Variants in NRXN3 observed in about 807,000 individuals in gnomAD.
NRXN3 encodes neurexin 3, also known as neurexin III.
NRXN3 carries 32 observed loss-of-function variants against 137.6 expected under a neutral mutation model. The observed-to-expected ratio is 0.23, with a 90% CI of 0.18 to 0.31. The LOEUF is 0.31. Ranked by LOEUF, NRXN3 falls within the 10% of genes least tolerant of loss-of-function variation. The pLI, the probability that NRXN3 is intolerant of heterozygous loss-of-function variation, is 1.00. For synonymous variants in NRXN3, 798 were observed against 784.5 expected (o/e 1.02, Z -0.29); for missense variants, 1,574 against 2,062.5 (o/e 0.76, Z 4.59).
intron 15 of NRXN3, among the ~76,000 whole-genome samples, chr14:79,095,765 G>A (rs1040386418): frequency 6.6e-6 from 1 of 152,052 alleles, no homozygotes; most frequent in African/African-American, 2.4e-5. Context: ...AGGTTACTTT[G>A]CCTTCTGGAT....
intron 4 of NRXN3, among the ~76,000 whole-genome samples, chr14:78,303,321 A>C (rs2077051836): frequency 6.6e-6 from 1 of 152,114 alleles, no homozygotes; most frequent in African/African-American, 2.4e-5. Flanking sequence ...TTTATATGGA[A>C]GTTAATTGGG....
intron 16 of NRXN3, among the ~76,000 whole-genome samples, chr14:79,605,346 A>G (rs755775529): frequency 1.3e-5 from 2 of 152,050 alleles, no homozygotes; most frequent in Non-Finnish European, 2.9e-5. Context: ...AATTTTAATA[A>G]AATTATTTTT....
intron 10 of NRXN3, among the ~76,000 whole-genome samples, chr14:78,913,367 C>T (rs2099246134): frequency 6.8e-6 from 1 of 146,554 alleles, no homozygotes; most frequent in African/African-American, 2.5e-5. Flanking sequence ...GCAACCTCCA[C>T]CTCCCGGGTT....
chr14:78,293,070 T>C (rs997500714), intron 3 of NRXN3, among the ~76,000 whole-genome samples: 5 of 152,234 alleles, frequency 3.3e-5, no homozygotes. Context: ...AGCATTATTT[T>C]CTATAATTTA....
Position 79,324,378 on chromosome 14 carries a change from A to G in NRXN3, c.3263-142843A>G, listed in dbSNP as rs990223132. Among the ~76,000 whole-genome samples, 99 of 152,246 alleles carry G rather than the reference A, an allele frequency of 6.5e-4. 3 individuals are homozygous for G. The highest frequency in any genetic ancestry group is 3.2e-3 in the Middle Eastern group (1 of 316). On this transcript the variant is annotated intron_variant, in intron 15 of 20. Transcript: ENST00000335750. ...AACTCTATCATAATAATCACCAAAT[A>G]TCAATTAATCAGAAGGAAAAATAGG...
intron 16 of NRXN3, among the ~76,000 whole-genome samples, chr14:79,598,331 T>C (rs990545100): frequency 3.3e-4 from 50 of 152,252 alleles, no homozygotes; most frequent in African/African-American, 1.2e-3. Context: ...ACAAAGAACA[T>C]CTTAGTCTCA....
intron 16 of NRXN3, among the ~76,000 whole-genome samples, chr14:79,526,458 G>A (rs142600753): frequency 9.2e-5 from 14 of 152,300 alleles, no homozygotes; most frequent in Non-Finnish European, 1.6e-4. Flanking sequence ...GTTTCCCAAA[G>A]CATGTGGCTA....
chr14:79,838,213 A>C (rs2099348390), intron 20 of NRXN3, among the ~76,000 whole-genome samples: 1 of 152,176 alleles, frequency 6.6e-6, no homozygotes, highest in Admixed American at 6.5e-5. Context: ...TAAACGTTTT[A>C]ATTTTTTATC....
chr14:79,515,144 G>A (rs2096970302), intron 16 of NRXN3, among the ~76,000 whole-genome samples: 1 of 150,604 alleles, frequency 6.6e-6, no homozygotes, highest in African/African-American at 2.5e-5. Flanking sequence ...AAGCAGACCT[G>A]TGGGCTAAGT....
intron 10 of NRXN3, among the ~76,000 whole-genome samples, chr14:78,934,023 C>G (rs1191151699): frequency 1.3e-5 from 2 of 151,864 alleles, no homozygotes; most frequent in Admixed American, 1.3e-4. Flanking sequence ...TATACTGAAG[C>G]CTGTGGATTA....
At chr14:79,412,745 T>G (rs573999186) in intron 15 of NRXN3, among the ~76,000 whole-genome samples, 1 of 120,902 alleles carries the variant, frequency 8.3e-6, no homozygotes, top group South Asian at 2.9e-4. Context: ...ATCACACCAC[T>G]GCACTCCAGC....
intron 15 of NRXN3, among the ~76,000 whole-genome samples, chr14:79,451,756 T>C (rs1167262227): frequency 1.3e-5 from 2 of 152,222 alleles, no homozygotes; most frequent in South Asian, 2.1e-4. Context: ...GCTCCAGCCA[T>C]GTGGGTCTGA....
At chr14:79,279,928 T>G (rs2080978626) in intron 15 of NRXN3, 1 of 1,069,084 alleles carries the variant, frequency 9.4e-7, no homozygotes, top group East Asian at 7.7e-5. Flanking sequence ...CCCGGGAGTG[T>G]GCGGTTAAGT....
At chr14:78,492,491 C>G (rs1342592417) in intron 4 of NRXN3, among the ~76,000 whole-genome samples, 1 of 152,078 alleles carries the variant, frequency 6.6e-6, no homozygotes, top group Non-Finnish European at 1.5e-5. Flanking sequence ...TTAAAAAGCA[C>G]TAGGTATAGT....
intron 16 of NRXN3, among the ~76,000 whole-genome samples, chr14:79,491,076 G>A (rs1467213268): frequency 1.3e-5 from 2 of 151,956 alleles, no homozygotes; most frequent in Non-Finnish European, 2.9e-5. Flanking sequence ...GAGTATGTGC[G>A]TGTGTGTGTT....
At chr14:78,943,626 AT>A (rs1170842276) in intron 10 of NRXN3, among the ~76,000 whole-genome samples, 3 of 7,010 alleles carry the variant, frequency 4.3e-4, no homozygotes, top group Admixed American at 1.2e-3. Context: ...AAAAAAATAT[AT>A]ATATATATAT....
intron 15 of NRXN3, among the ~76,000 whole-genome samples, chr14:79,466,603 C>A (rs966832599): frequency 6.9e-6 from 1 of 144,998 alleles, no homozygotes; most frequent in African/African-American, 2.9e-5. Flanking sequence ...GAAAAAAAAA[C>A]TCCTAGAAAT....
intron 4 of NRXN3, among the ~76,000 whole-genome samples, chr14:78,498,446 A>G (rs543278736): frequency 9.4e-4 from 143 of 152,310 alleles, no homozygotes; most frequent in African/African-American, 3.3e-3. Flanking sequence ...GGATCCCAGT[A>G]GGGAACTAGG....
At chr14:78,546,740 G>A (rs1487168419) in intron 4 of NRXN3, among the ~76,000 whole-genome samples, 1 of 152,148 alleles carries the variant, frequency 6.6e-6, no homozygotes, top group Non-Finnish European at 1.5e-5. Flanking sequence ...ACTTACTGCT[G>A]CTATGTGGTA....
Sources: allele counts gnomAD v4.1 joint callset (sites outside exome capture counted in the v4.1 genomes callset), GRCh38; gene constraint gnomAD v4.1.1; transcripts MANE v1.5; gene names NCBI Gene and HGNC (gene_info 2026-07-23, HGNC 2026-07-21).